The following ABCC9 variants were observed in gnomAD, a reference collection of about 807,000 sequenced individuals.
ABCC9 encodes the protein ATP binding cassette subfamily C member 9, also known as ATP-binding cassette sub-family C member 9.
ABCC9 carries 95 observed loss-of-function variants against 188.3 expected under a neutral mutation model. The ratio of observed to expected loss-of-function variants is 0.50; its 90% CI spans 0.43 to 0.60. ABCC9 has a LOEUF of 0.60. Ranked by LOEUF, ABCC9 falls within the 20% of genes least tolerant of loss-of-function variation. ABCC9 has a pLI of 0.00. For missense variants in ABCC9, 1,102 were observed against 1,876.3 expected (o/e 0.59, Z 7.62); for synonymous variants, 659 against 652.7 (o/e 1.01, Z -0.15).
chr12:21,884,443 A>T (rs537696351), intron 15 of ABCC9, among the ~76,000 whole-genome samples: 2 of 152,258 alleles, frequency 1.3e-5, no homozygotes, highest in South Asian at 2.1e-4. Context: ...TTAAACTGTT[A>T]AGTTACCTAG....
At chr12:21,901,915 G>T (rs1947774248) in intron 12 of ABCC9, among the ~76,000 whole-genome samples, 1 of 152,102 alleles carries the variant, frequency 6.6e-6, no homozygotes. Flanking sequence ...AGTTAACAAG[G>T]ATATCCAGGA....
chr12:21,854,969 C>A (rs553316584), intron 22 of ABCC9, among the ~76,000 whole-genome samples: 128 of 152,172 alleles, frequency 8.4e-4, no homozygotes, highest in African/African-American at 2.9e-3. Context: ...CAAGATTTAG[C>A]AAATCTTGAT....
At chr12:21,804,083 T>C (rs775556472) in intron 39 of ABCC9, among the ~76,000 whole-genome samples, 5 of 152,158 alleles carry the variant, frequency 3.3e-5, no homozygotes, top group Non-Finnish European at 7.4e-5. Flanking sequence ...ACAGTGATTC[T>C]TCCATGACAG....
At position 21,917,026 on chromosome 12, in the gene ABCC9, T is replaced by A; in HGVS notation, c.484A>T (p.Ile162Leu). Residue 162 changes from isoleucine to leucine, a missense_variant, in exon 6 of 40, where the codon ATA (isoleucine) becomes TTA (leucine). Ile to Leu is a conservative substitution (Grantham distance 5). Around this residue, in one of 12 missense-constraint regions of ABCC9, gnomAD observed 305 missense variants for 573.0 expected, o/e 0.53. Transcript: ENST00000261200. Reference protein sequence around the residue: ...LVKYCQSGLDISNLRFCITGM... With the variant: ...LVKYCQSGLDLSNLRFCITGM... ...GTGATGCAGAAACGCAGGTTTGATA[T>A]GTCCAAGCCAGACTGACAGTACTTA... 6.2e-7 allele frequency: 1 copy of A among 1,613,912 alleles called. No individual in the cohort carries two copies. The highest frequency in any genetic ancestry group is 8.5e-7 in the Non-Finnish European group (1 of 1,179,868).
chr12:21,843,439 A>G (rs1751530025), intron 28 of ABCC9, among the ~76,000 whole-genome samples: 1 of 152,158 alleles, frequency 6.6e-6, no homozygotes, highest in Non-Finnish European at 1.5e-5. Context: ...TAATAGGGAA[A>G]TTCTTTCTCT....
At chr12:21,896,079 C>CTTTTTTTTTTTTTTTT (rs5796933) in intron 12 of ABCC9, among the ~76,000 whole-genome samples, 2 of 128,048 alleles carry the variant, frequency 1.6e-5, no homozygotes, top group Non-Finnish European at 3.3e-5. Flanking sequence ...ATCTAATTTT[C>CTTTTTTTTTTTTTTTT]TTTTTTTTTT....
chr12:21,882,480 A>T (rs777348569), intron 16 of ABCC9, among the ~76,000 whole-genome samples: 8 of 152,244 alleles, frequency 5.3e-5, no homozygotes, highest in Non-Finnish European at 1.2e-4. Context: ...GTTGATAAAC[A>T]TAGGAATACC....
At chr12:21,894,760 G>A (rs148254017) in intron 13 of ABCC9, among the ~76,000 whole-genome samples, 25 of 152,154 alleles carry the variant, frequency 1.6e-4, no homozygotes, top group East Asian at 5.8e-4. Context: ...ACAGGCATGC[G>A]CCATCATGCT....
intron 30 of ABCC9, among the ~76,000 whole-genome samples, chr12:21,833,106 C>T (rs1202507999): frequency 2.6e-5 from 4 of 152,054 alleles, no homozygotes; most frequent in African/African-American, 7.2e-5. Flanking sequence ...ATATGATAGA[C>T]TCTGGGGACT....
intron 17 of ABCC9, among the ~76,000 whole-genome samples, chr12:21,874,175 T>C (rs1946219173): frequency 1.3e-5 from 2 of 150,552 alleles, no homozygotes; most frequent in South Asian, 4.2e-4. Context: ...AATAATCCAA[T>C]TTAAAAATGG....
intron 33 of ABCC9, among the ~76,000 whole-genome samples, chr12:21,816,603 G>A (rs1289091797): frequency 6.6e-6 from 1 of 152,166 alleles, no homozygotes; most frequent in African/African-American, 2.4e-5. Context: ...GAGTAAAAGT[G>A]GTGCAGGTGG....
At chr12:21,875,525 A>G (rs1024758961) in intron 17 of ABCC9, 129 bp downstream of exon 17, 3 of 692,602 alleles carry the variant, frequency 4.3e-6, no homozygotes, top group Non-Finnish European at 7.4e-6. Context: ...CAAGCACAAT[A>G]GTGCAAATAG....
intron 29 of ABCC9, 101 bp from the exon 30 acceptor site, chr12:21,838,271 T>C: frequency 1.1e-6 from 1 of 940,194 alleles, no homozygotes; most frequent in Non-Finnish European, 1.7e-6. Flanking sequence ...TGTATTTGTT[T>C]TCCTCATTGA....
chr12:21,822,595 C>G (rs902753491), intron 31 of ABCC9, among the ~76,000 whole-genome samples: 1 of 151,646 alleles, frequency 6.6e-6, no homozygotes, highest in Non-Finnish European at 1.5e-5. Flanking sequence ...GTCAGGAGAT[C>G]GAGACCATCC....
At chr12:21,844,170 A>G (rs1416092078) in intron 28 of ABCC9, among the ~76,000 whole-genome samples, 1 of 152,184 alleles carries the variant, frequency 6.6e-6, no homozygotes, top group African/African-American at 2.4e-5. Flanking sequence ...AGAACTTTAT[A>G]CTGTGAATGC....
At chr12:21,910,768 T>G in intron 9 of ABCC9, 58 bp downstream of exon 9, 1 of 1,492,650 alleles carries the variant, frequency 6.7e-7, no homozygotes, top group Non-Finnish European at 9.3e-7. Context: ...GCTATTCTTT[T>G]CACTGAATGG....
chr12:21,813,063 T>C (rs1185689716), intron 35 of ABCC9, among the ~76,000 whole-genome samples: 1 of 152,196 alleles, frequency 6.6e-6, no homozygotes, highest in African/African-American at 2.4e-5. Flanking sequence ...GAATCTGATA[T>C]TCTACACACT....
At chr12:21,869,562 A>G (rs911745351) in intron 18 of ABCC9, 1 of 152,124 alleles carries the variant, frequency 6.6e-6, no homozygotes, top group African/African-American at 2.4e-5. Context: ...CATACCCAGA[A>G]TGCTTTCCTC....
intron 19 of ABCC9, among the ~76,000 whole-genome samples, chr12:21,863,864 G>C (rs1348195910): frequency 6.6e-6 from 1 of 152,114 alleles, no homozygotes. Flanking sequence ...AGAGTAGCTA[G>C]AAATGTTCAA....
Sources: gnomAD v4.1 joint callset for allele counts (sites outside exome capture counted in the v4.1 genomes callset) on GRCh38, gnomAD v4.1.1 for gene constraint, gnomAD v4.1.1 regional missense constraint, MANE v1.5 for transcripts, NCBI Gene and HGNC (gene_info 2026-07-23, HGNC 2026-07-21) for gene names.